The following ASTN2 variants were observed in gnomAD, a reference collection of about 807,000 sequenced individuals.
The protein encoded by ASTN2 is astrotactin 2.
ASTN2 carries 54 observed loss-of-function variants against 139.8 expected under a neutral mutation model. That is an observed-to-expected ratio of 0.39 (90% confidence interval 0.31 to 0.48). The LOEUF (loss-of-function observed/expected upper bound fraction) is 0.48. ASTN2 is among the 20% of genes least tolerant of loss of function. The pLI is 0.95. For synonymous variants in ASTN2, 756 were observed against 719.5 expected (o/e 1.05, Z -0.81); for missense variants, 1,565 against 1,725.1 (o/e 0.91, Z 1.64).
At chr9:117,349,646 T>G (rs949780208) in intron 1 of ASTN2, among the ~76,000 whole-genome samples, 6 of 152,170 alleles carry the variant, frequency 3.9e-5, no homozygotes, top group African/African-American at 1.4e-4. Flanking sequence ...TCTCCTTCAG[T>G]GTAGACTGGA....
At chr9:116,918,196 A>G (rs1176302925) in intron 10 of ASTN2, among the ~76,000 whole-genome samples, 1 of 152,176 alleles carries the variant, frequency 6.6e-6, no homozygotes, top group Non-Finnish European at 1.5e-5. Flanking sequence ...CTTTATCAGT[A>G]GCATATATAT....
intron 3 of ASTN2, among the ~76,000 whole-genome samples, chr9:117,167,254 G>A (rs116175474): frequency 0.011 from 1,691 of 151,226 alleles, 37 homozygotes; most frequent in African/African-American, 0.039. Context: ...ATCATCCAAT[G>A]TTGATCACAC....
intron 19 of ASTN2, among the ~76,000 whole-genome samples, chr9:116,576,914 T>A (rs2131702245): frequency 6.6e-6 from 1 of 152,208 alleles, no homozygotes; most frequent in South Asian, 2.1e-4. Context: ...ACAATCATCA[T>A]CTCTTCCCTG....
Position 117,214,560 on chromosome 9 carries a change from G to A in ASTN2, c.813C>T (p.Ser271=), listed in dbSNP as rs1426526580. 2 of 1,612,146 alleles carry A rather than the reference G, an allele frequency of 1.2e-6. No homozygotes were observed. Among genetic ancestry groups the A allele is most frequent in the South Asian group, 2.2e-5 (2 of 91,038 alleles). The change falls in exon 3 of 23, where the codon TCC becomes TCT. Residue 271 remains serine (S), a synonymous_variant. Coordinates refer to ENST00000313400, the MANE Select transcript of ASTN2 (RefSeq NM_001365068.1). Reference sequence around the variant, plus strand: ...TGACGGAATTGTGGGTTTGCAGCCGGGATGAACGGAAGCTCTCCCGCGCCT... The same window carrying A: ...TGACGGAATTGTGGGTTTGCAGCCGAGATGAACGGAAGCTCTCCCGCGCCT... The part of the protein sequence containing the change: ...GPQARESFRS[S]RLQTHNSVIG...
chr9:116,588,215 TTCAGC>T (rs1854237600), intron 19 of ASTN2, among the ~76,000 whole-genome samples: 1 of 152,158 alleles, frequency 6.6e-6, no homozygotes, highest in Non-Finnish European at 1.5e-5. Context: ...AAGGGAAAAA[TTCAGC>T]TCTGCTTAAG....
chr9:117,175,459 G>A (rs1380580685), intron 3 of ASTN2, among the ~76,000 whole-genome samples: 1 of 152,122 alleles, frequency 6.6e-6, no homozygotes, highest in African/African-American at 2.4e-5. Context: ...TCACACAGAA[G>A]AGTAATGAGA....
chr9:116,745,002 T>A (rs1007690011), intron 13 of ASTN2, among the ~76,000 whole-genome samples: 7 of 152,096 alleles, frequency 4.6e-5, no homozygotes, highest in African/African-American at 1.7e-4. Flanking sequence ...GAATGCAGCT[T>A]GTGACCCCTA....
chr9:116,768,893 T>C (rs1056891095), intron 13 of ASTN2, among the ~76,000 whole-genome samples: 1 of 152,204 alleles, frequency 6.6e-6, no homozygotes, highest in Non-Finnish European at 1.5e-5. Flanking sequence ...GACAATCTCA[T>C]CTAAAATATT....
intron 22 of ASTN2, among the ~76,000 whole-genome samples, chr9:116,432,763 C>T (rs1847537675): frequency 6.6e-6 from 1 of 152,144 alleles, no homozygotes; most frequent in South Asian, 2.1e-4. Flanking sequence ...AGCCCCGTCT[C>T]TACTAAAAAT....
chr9:117,066,946 T>A (rs1827968233), intron 5 of ASTN2, among the ~76,000 whole-genome samples: 1 of 114,278 alleles, frequency 8.8e-6, no homozygotes, highest in African/African-American at 3.4e-5. Context: ...TTTTCTCCCA[T>A]TTTGTAGGTT....
intron 20 of ASTN2, among the ~76,000 whole-genome samples, chr9:116,446,272 T>TAGATAGAGAGAG (rs1564282640): frequency 2.5e-5 from 3 of 119,036 alleles, no homozygotes; most frequent in South Asian, 6.3e-4. Context: ...GAGAGAGAGA[T>TAGATAGAGAGAG]AGAGAGAGAG....
chr9:117,165,008 G>T (rs1347010637), intron 3 of ASTN2, among the ~76,000 whole-genome samples: 1 of 152,048 alleles, frequency 6.6e-6, no homozygotes, highest in Non-Finnish European at 1.5e-5. Context: ...CCCCCAAGAA[G>T]ATATGGCTGG....
rs34187222 is a variant in ASTN2 at position 116,828,300 on chromosome 9, C to CAAAA, written c.2041-7521_2041-7518dup. On this transcript the variant is annotated intron_variant, in intron 11 of 22. Coordinates refer to ENST00000313400, the MANE Select transcript of ASTN2 (RefSeq NM_001365068.1). ...TGGGCAACAGAGCGAGACTCCGTCTCAAAAAAAAAAAAAAAAATACTAGCA... is the reference window on the plus strand; with the variant it reads ...TGGGCAACAGAGCGAGACTCCGTCTCAAAAAAAAAAAAAAAAAAAAATACTAGCA... 8.9e-4 allele frequency among the ~76,000 whole-genome samples: 117 copies of CAAAA among 132,160 alleles called. 3 individuals are homozygous for CAAAA. The highest frequency in any genetic ancestry group is 2.7e-3 in the South Asian group (11 of 4,088). 86.7% of individuals were successfully genotyped at this position (132,160 alleles called of 152,430 possible).
intron 13 of ASTN2, among the ~76,000 whole-genome samples, chr9:116,772,024 G>C (rs187867849): frequency 1.3e-5 from 2 of 152,188 alleles, no homozygotes; most frequent in African/African-American, 2.4e-5. Context: ...TTGCCTGGCA[G>C]CCATGCCATT....
chr9:116,782,974 A>T (rs1171089556), intron 13 of ASTN2, among the ~76,000 whole-genome samples: 2 of 152,180 alleles, frequency 1.3e-5, no homozygotes, highest in Non-Finnish European at 2.9e-5. Flanking sequence ...TTCAGTAGGT[A>T]GAGTGACTAC....
intron 17 of ASTN2, among the ~76,000 whole-genome samples, chr9:116,644,722 T>C (rs1857505491): frequency 6.6e-6 from 1 of 152,184 alleles, no homozygotes; most frequent in Admixed American, 6.5e-5. Context: ...GAGTGCAAGA[T>C]ATGTATATCT....
chr9:116,946,963 G>A (rs1835417930), intron 10 of ASTN2, among the ~76,000 whole-genome samples: 1 of 141,496 alleles, frequency 7.1e-6, no homozygotes, highest in Non-Finnish European at 1.5e-5. Context: ...AACCCAGATT[G>A]TCTTTAAATT....
At chr9:117,329,836 A>G (rs1442732965) in intron 1 of ASTN2, among the ~76,000 whole-genome samples, 7 of 152,226 alleles carry the variant, frequency 4.6e-5, no homozygotes, top group Non-Finnish European at 1.0e-4. Context: ...ACACTAAAAT[A>G]ATAATAGACA....
chr9:116,464,350 T>A (rs1848587019), intron 20 of ASTN2, among the ~76,000 whole-genome samples: 2 of 152,120 alleles, frequency 1.3e-5, no homozygotes, highest in African/African-American at 4.8e-5. Flanking sequence ...TTGTGAGGAT[T>A]ATTTGTTTGC....
Sources: allele counts gnomAD v4.1 joint callset (sites outside exome capture counted in the v4.1 genomes callset), GRCh38; gene constraint gnomAD v4.1.1; transcripts MANE v1.5; gene names NCBI Gene and HGNC (gene_info 2026-07-23, HGNC 2026-07-21).